The following ATP8B4 variants were observed in gnomAD, a reference collection of about 807,000 sequenced individuals.
ATP8B4 encodes the protein ATPase phospholipid transporting 8B4 (putative).
ATP8B4 carries 133 observed loss-of-function variants against 145.6 expected under a neutral mutation model. That is an observed-to-expected ratio of 0.91 (90% CI 0.79 to 1.05). The LOEUF (loss-of-function observed/expected upper bound fraction) is 1.05. Ranked by LOEUF, ATP8B4 falls within the 50% of genes least tolerant of loss-of-function variation. The pLI is 0.00. For synonymous variants in ATP8B4, 507 were observed against 492.9 expected, an observed-to-expected ratio of 1.03 and a Z score of -0.38; for missense variants, 1,458 against 1,425.2, an observed-to-expected ratio of 1.02 and a Z score of -0.37.
At chr15:49,975,998 T>C (rs900433221) in intron 12 of ATP8B4, among the ~76,000 whole-genome samples, 2 of 152,194 alleles carry the variant, frequency 1.3e-5, no homozygotes, top group African/African-American at 4.8e-5. Context: ...TTGGGCTAGA[T>C]GACACTCAAA....
chr15:49,972,266 T>TATA lies in ATP8B4; in HGVS notation c.1243+313_1243+315dup, dbSNP rs1019459524. On this transcript the variant is annotated intron_variant, in intron 13 of 27. Coordinates refer to ENST00000284509, the MANE Select transcript of ATP8B4 (RefSeq NM_024837.4). ...TGCACATGTATCCCAAAACTTAAAG[T>TATA]ATAATAATAATAATAAAGAATCACA... 2.3e-4 allele frequency among the ~76,000 whole-genome samples: 35 copies of TATA among 151,962 alleles called. No homozygotes were observed. The South Asian group carries it at 6.8e-3, about 30-fold the overall frequency.
chr15:50,120,653 A>T (rs56307748), upstream of ATP8B4, among the ~76,000 whole-genome samples: 15,213 of 152,240 alleles, frequency 0.1, 959 homozygotes, highest in Middle Eastern at 0.17. Context: ...AGAAAACCAC[A>T]CACACGTGCA....
intron 3 of ATP8B4, among the ~76,000 whole-genome samples, chr15:50,055,605 C>T (rs1731083856): frequency 6.6e-6 from 1 of 152,110 alleles, no homozygotes; most frequent in African/African-American, 2.4e-5. Flanking sequence ...TAAAAAGTAA[C>T]CTTCCAGAGC....
chr15:50,008,357 T>C lies in ATP8B4; in HGVS notation c.435+2488A>G, dbSNP rs534548703. Among the ~76,000 whole-genome samples, 6 of 152,260 alleles carry C rather than the reference T, an allele frequency of 3.9e-5. No homozygotes were observed. In the South Asian group the frequency reaches 1.2e-3, roughly 32 times the overall value. On this transcript the variant is annotated intron_variant, in intron 7 of 27. Transcript: ENST00000284509. ...GGATGAAAGACACTTAGAGTGTTATTTTGGTGCTGTCCCTCCAAACGATAA... is the reference window on the plus strand; with the variant it reads ...GGATGAAAGACACTTAGAGTGTTATCTTGGTGCTGTCCCTCCAAACGATAA...
intron 2 of ATP8B4, among the ~76,000 whole-genome samples, chr15:50,095,800 T>C (rs2055942390): frequency 6.6e-6 from 1 of 151,900 alleles, no homozygotes; most frequent in South Asian, 2.1e-4. Flanking sequence ...CCAAATTAGA[T>C]ATCTGAGCTA....
intron 3 of ATP8B4, among the ~76,000 whole-genome samples, chr15:50,069,408 T>C (rs1022459660): frequency 6.6e-6 from 1 of 152,234 alleles, no homozygotes; most frequent in Non-Finnish European, 1.5e-5. Context: ...CTCGAGGTAT[T>C]GAAGTATCTT....
chr15:49,916,859 T>A, intron 20 of ATP8B4, 75 bp downstream of exon 20: 1 of 1,388,934 alleles, frequency 7.2e-7, no homozygotes. Context: ...AGCTTTTCAC[T>A]TTCTCAACTC....
chr15:50,172,746 T>TGCCCCGCC (rs2044698144), intron 1 of ATP8B4, among the ~76,000 whole-genome samples: 1 of 150,492 alleles, frequency 6.6e-6, no homozygotes, highest in Admixed American at 6.6e-5. Flanking sequence ...GGAGCGCCTC[T>TGCCCCGCC]GCCCCGCCGC....
At chr15:49,913,781 T>TA (rs1314362786) in intron 20 of ATP8B4, among the ~76,000 whole-genome samples, 4 of 151,964 alleles carry the variant, frequency 2.6e-5, no homozygotes, top group Admixed American at 6.6e-5. Context: ...ACAATAGCTG[T>TA]AAAAAAATAA....
chr15:50,097,771 A>C (rs1329090604), intron 2 of ATP8B4, among the ~76,000 whole-genome samples: 1 of 152,196 alleles, frequency 6.6e-6, no homozygotes, highest in Non-Finnish European at 1.5e-5. Flanking sequence ...TATTTTTGTA[A>C]AACTTAGAAA....
intron 9 of ATP8B4, among the ~76,000 whole-genome samples, chr15:49,995,739 T>C (rs1307922737): frequency 2.0e-5 from 3 of 152,134 alleles, no homozygotes; most frequent in Non-Finnish European, 2.9e-5. Flanking sequence ...TTTTGAAAGA[T>C]TGTCTCAAAC....
chr15:50,147,128 T>C (rs2044287410), intron 1 of ATP8B4, among the ~76,000 whole-genome samples: 1 of 152,108 alleles, frequency 6.6e-6, no homozygotes, highest in African/African-American at 2.4e-5. Flanking sequence ...TTTAAAACTA[T>C]GTATTAGCCA....
chr15:50,063,352 T>C (rs1348315448), intron 3 of ATP8B4, among the ~76,000 whole-genome samples: 1 of 151,816 alleles, frequency 6.6e-6, no homozygotes, highest in African/African-American at 2.4e-5. Context: ...TTAGAATCAC[T>C]AGGGGAGCTT....
At chr15:50,071,321 G>A (rs780484423) in intron 3 of ATP8B4, among the ~76,000 whole-genome samples, 7 of 152,016 alleles carry the variant, frequency 4.6e-5, no homozygotes, top group Non-Finnish European at 7.4e-5. Flanking sequence ...GTTATTCCCC[G>A]TGCTTCTCTG....
chr15:50,117,801 A>T (rs1371554571), intron 1 of ATP8B4, among the ~76,000 whole-genome samples: 1 of 152,254 alleles, frequency 6.6e-6, no homozygotes, highest in African/African-American at 2.4e-5. Flanking sequence ...TTTATATACA[A>T]TGGAATATTA....
At chr15:50,052,329 G>C (rs2052251548) in intron 3 of ATP8B4, among the ~76,000 whole-genome samples, 1 of 152,222 alleles carries the variant, frequency 6.6e-6, no homozygotes, top group Admixed American at 6.5e-5. Context: ...AGCCTCTTTG[G>C]TGCTGATAAA....
chr15:49,876,591 C>G, intron 24 of ATP8B4, 68 bp from the exon 25 acceptor site: 2 of 1,589,462 alleles, frequency 1.3e-6, no homozygotes, highest in South Asian at 1.1e-5. Flanking sequence ...TATTCCCTAT[C>G]TTCAGAAATA....
rs559052588 is a variant in ATP8B4 at position 50,028,629 on chromosome 15, A to G, written c.362+10139T>C. Among the ~76,000 whole-genome samples the G allele has an allele frequency of 3.3e-5, 5 of 152,302 alleles. No individual in the cohort carries two copies. The South Asian group carries it at 8.3e-4, about 25-fold the overall frequency. On this transcript the variant is annotated intron_variant, in intron 6 of 27. Transcript: ENST00000284509. ...TCTACAGATAAACCTATCCTGTACC[A>G]TATACATATGATTGCATTATATTTG...
chr15:50,025,118 A>G (rs922151770), intron 6 of ATP8B4, among the ~76,000 whole-genome samples: 2 of 152,232 alleles, frequency 1.3e-5, no homozygotes, highest in African/African-American at 4.8e-5. Flanking sequence ...TATCAACTGC[A>G]TGGGAATATG....
Sources: allele counts gnomAD v4.1 joint callset (sites outside exome capture counted in the v4.1 genomes callset), GRCh38; gene constraint gnomAD v4.1.1; transcripts MANE v1.5; gene names NCBI Gene and HGNC (gene_info 2026-07-23, HGNC 2026-07-21).